GRID1: variants seen among roughly 807,000 people sequenced by gnomAD.
GRID1 encodes glutamate ionotropic receptor delta type subunit 1, also known as glutamate receptor ionotropic, delta-1.
GRID1 carries 28 observed loss-of-function variants against 98.0 expected under a neutral mutation model. The observed-to-expected ratio is 0.29, with a 90% CI of 0.21 to 0.39. The LOEUF (loss-of-function observed/expected upper bound fraction) is 0.39, where lower values mean the gene tolerates loss of function less well. GRID1 is among the 10% of genes least tolerant of loss of function. The probability of loss-of-function intolerance (pLI) is 1.00; values close to 1 mark genes in which losing one functional copy is unlikely to be tolerated. For missense variants in GRID1, 1,111 were observed against 1,340.5 expected, an observed-to-expected ratio of 0.83 and a Z score of 2.67; for synonymous variants, 553 against 538.5, an observed-to-expected ratio of 1.03 and a Z score of -0.37.
chr10:85,977,979 G>A (rs1305975436), intron 4 of GRID1, among the ~76,000 whole-genome samples: 2 of 152,182 alleles, frequency 1.3e-5, no homozygotes, highest in Admixed American at 6.5e-5. Flanking sequence ...ACATGAGAGT[G>A]CCGAGGTCAA....
chr10:85,930,775 AAT>A (rs1439323386), intron 4 of GRID1, among the ~76,000 whole-genome samples: 1 of 152,156 alleles, frequency 6.6e-6, no homozygotes, highest in East Asian at 1.9e-4. Flanking sequence ...CTTAGTATAG[AAT>A]ATGTGAATAT....
At chr10:85,745,732 A>G (rs993676810) in intron 8 of GRID1, among the ~76,000 whole-genome samples, 6 of 151,642 alleles carry the variant, frequency 4.0e-5, no homozygotes, top group African/African-American at 1.5e-4. Context: ...TTAAAAAAAA[A>G]AAAAAAAGTA....
intron 13 of GRID1, among the ~76,000 whole-genome samples, chr10:85,626,652 A>C (rs1842916111): frequency 6.6e-6 from 1 of 152,188 alleles, no homozygotes; most frequent in Admixed American, 6.5e-5. Context: ...AACGAAGCAG[A>C]GTTCAGCCTT....
Position 85,700,796 on chromosome 10 carries a change from TTAGA to T in GRID1, c.1997+22203_1997+22206del, listed in dbSNP as rs563244529. On this transcript the variant is annotated intron_variant, in intron 12 of 15. Coordinates refer to ENST00000327946, the MANE Select transcript of GRID1 (RefSeq NM_017551.3). ...TAATTGATAAGTGAATCTCTGCTCT[TTAGA>T]AGCAGAGATTTAGATTTCAGTTCTC... Among the ~76,000 whole-genome samples, 277 of 152,314 alleles carry T rather than the reference TTAGA, an allele frequency of 1.8e-3. 1 individual carries two copies. Among genetic ancestry groups the T allele is most frequent in the Middle Eastern group, 0.014 (4 of 294 alleles).
At chr10:86,362,389 TG>T (rs1012648014) in intron 2 of GRID1, among the ~76,000 whole-genome samples, 1 of 152,154 alleles carries the variant, frequency 6.6e-6, no homozygotes, top group Non-Finnish European at 1.5e-5. Context: ...AGATAGAGAC[TG>T]CTGGTGGGAC....
chr10:85,967,024 G>A (rs1842345894), intron 4 of GRID1, among the ~76,000 whole-genome samples: 1 of 152,090 alleles, frequency 6.6e-6, no homozygotes, highest in African/African-American at 2.4e-5. Flanking sequence ...TGTTCTCATG[G>A]TAGTGAATAA....
intron 8 of GRID1, among the ~76,000 whole-genome samples, chr10:85,781,246 T>C (rs1218131045): frequency 1.3e-5 from 2 of 152,212 alleles, no homozygotes; most frequent in African/African-American, 4.8e-5. Context: ...TTAAGGATAA[T>C]TTTTCCTCTG....
At chr10:85,811,694 A>C (rs994196526) in intron 8 of GRID1, among the ~76,000 whole-genome samples, 3 of 152,214 alleles carry the variant, frequency 2.0e-5, no homozygotes, top group Non-Finnish European at 4.4e-5. Flanking sequence ...GAAAGCCTAC[A>C]GAATTTATGG....
intron 2 of GRID1, among the ~76,000 whole-genome samples, chr10:86,252,415 G>A (rs1208703277): frequency 6.6e-6 from 1 of 152,166 alleles, no homozygotes; most frequent in Non-Finnish European, 1.5e-5. Context: ...AGCAAGCCTA[G>A]TACATCCCTC....
At chr10:86,201,933 G>A (rs1278174662) in intron 3 of GRID1, among the ~76,000 whole-genome samples, 2 of 152,136 alleles carry the variant, frequency 1.3e-5, no homozygotes, top group Non-Finnish European at 2.9e-5. Flanking sequence ...AGCACACAAG[G>A]GCTCCTTGAT....
chr10:86,361,402 C>T (rs1848599182), intron 2 of GRID1, among the ~76,000 whole-genome samples: 1 of 152,214 alleles, frequency 6.6e-6, no homozygotes, highest in African/African-American at 2.4e-5. Flanking sequence ...AGGCAGCCCA[C>T]CAACAATACC....
intron 4 of GRID1, among the ~76,000 whole-genome samples, chr10:86,084,598 G>A (rs988077589): frequency 1.3e-5 from 2 of 152,200 alleles, no homozygotes; most frequent in African/African-American, 4.8e-5. Flanking sequence ...TTTCACAGCA[G>A]CATTATTCAC....
chr10:85,787,609 C>T (rs1451416701), intron 8 of GRID1, among the ~76,000 whole-genome samples: 1 of 152,210 alleles, frequency 6.6e-6, no homozygotes, highest in Non-Finnish European at 1.5e-5. Flanking sequence ...TTCCAAGAGC[C>T]TGCCCAGCTC....
chr10:85,617,617 T>A (rs1842807474), intron 14 of GRID1, among the ~76,000 whole-genome samples: 1 of 152,194 alleles, frequency 6.6e-6, no homozygotes, highest in Non-Finnish European at 1.5e-5. Context: ...CAGGAGGAAC[T>A]GTACCCTACA....
At chr10:85,950,691 G>T (rs1313123370) in intron 4 of GRID1, among the ~76,000 whole-genome samples, 2 of 152,146 alleles carry the variant, frequency 1.3e-5, no homozygotes, top group African/African-American at 4.8e-5. Context: ...CAAACATTAT[G>T]CCCCGTACAA....
intron 5 of GRID1, among the ~76,000 whole-genome samples, chr10:85,880,931 G>A (rs1264430176): frequency 1.3e-5 from 2 of 152,092 alleles, no homozygotes; most frequent in Non-Finnish European, 2.9e-5. Context: ...AAAGTCTCAG[G>A]ATACAAAATC....
chr10:86,136,477 G>A (rs1008190646), intron 4 of GRID1, among the ~76,000 whole-genome samples: 1 of 152,138 alleles, frequency 6.6e-6, no homozygotes, highest in African/African-American at 2.4e-5. Flanking sequence ...AGTAAAATCC[G>A]GACTTGAATC....
chr10:85,801,783 C>A (rs1842578603), intron 8 of GRID1, among the ~76,000 whole-genome samples: 1 of 151,708 alleles, frequency 6.6e-6, no homozygotes, highest in Admixed American at 6.6e-5. Flanking sequence ...CATTATACTA[C>A]ATGTTCTAGA....
intron 2 of GRID1, among the ~76,000 whole-genome samples, chr10:86,346,760 G>A (rs1263186019): frequency 6.6e-6 from 1 of 152,196 alleles, no homozygotes; most frequent in East Asian, 1.9e-4. Context: ...ATGGGGCAAG[G>A]CTGCTGGCCC....
Sources: allele counts gnomAD v4.1 joint callset (sites outside exome capture counted in the v4.1 genomes callset), GRCh38; gene constraint gnomAD v4.1.1; transcripts MANE v1.5; gene names NCBI Gene and HGNC (gene_info 2026-07-23, HGNC 2026-07-21).